The following GBP6 variants were observed in gnomAD, a reference collection of about 807,000 sequenced individuals.
The protein encoded by GBP6 is guanylate binding protein family member 6.
In GBP6, 54 loss-of-function variants were observed where a neutral mutation model predicts 61.5. The observed-to-expected ratio is 0.88, with a 90% CI of 0.71 to 1.10. The LOEUF (loss-of-function observed/expected upper bound fraction) is 1.10. Among genes scored for constraint, GBP6 ranks in the 50% least tolerant of loss-of-function variants. GBP6 has a pLI of 0.00. For synonymous variants in GBP6, 255 were observed against 273.7 expected, an observed-to-expected ratio of 0.93 and a Z score of 0.67; for missense variants, 748 against 752.8, an observed-to-expected ratio of 0.99 and a Z score of 0.07.
intron 3 of GBP6, among the ~76,000 whole-genome samples, chr1:89,374,493 T>C (rs540824043): frequency 5.9e-5 from 9 of 152,184 alleles, no homozygotes; most frequent in Non-Finnish European, 1.2e-4. Context: ...TTTTAATTTT[T>C]TGAGGGACCT....
rs996866683 is a variant in GBP6 at position 89,378,126 on chromosome 1, G to T, written c.342G>T (p.Trp114Cys). 13 of 1,613,084 alleles carry T rather than the reference G, an allele frequency of 8.1e-6. No homozygotes were observed. The highest frequency in any genetic ancestry group is 1.1e-5 in the Non-Finnish European group (13 of 1,179,770). Residue 114 changes from tryptophan (W) to cysteine (C), a missense_variant, in exon 4 of 11, where the codon TGG becomes TGT. Physicochemically the swap from Trp to Cys is radical, Grantham distance 215 (BLOSUM62 -2). Coordinates refer to ENST00000370456, the MANE Select transcript of GBP6 (RefSeq NM_198460.3). ...AGGGTGACCCTAAGAATGACTCCTG[G>T]ATCTTTGCCCTGGCTGTGCTCCTGT... is the stretch of plus-strand genomic sequence containing the variant. ...VEKGDPKNDS[W>C]IFALAVLLCS...
At position 89,380,594 on chromosome 1, in the gene GBP6, C is replaced by A. The variant is rs768963381; in HGVS notation, c.834C>A (p.Thr278=). 1 of 1,613,714 alleles carries A rather than the reference C, an allele frequency of 6.2e-7. No individual in the cohort carries two copies. The highest frequency in any genetic ancestry group is 1.1e-5 in the South Asian group (1 of 91,070). The change falls in exon 6 of 11, where the codon ACC becomes ACA. Residue 278 remains threonine (T), a synonymous_variant. Coordinates refer to ENST00000370456, the MANE Select transcript of GBP6 (RefSeq NM_198460.3). ...FCSYIFTHAR[T]KTLREGITVT... is the part of the protein sequence containing the mutation. ...CTTACATCTTCACTCATGCAAGAAC[C>A]AAGACCCTCAGGGAGGGAATCACAG...
chr1:89,369,649 C>T lies in GBP6; in HGVS notation c.294C>T (p.Thr98=), dbSNP rs768134438. 87 of 1,613,828 alleles carry T rather than the reference C, an allele frequency of 5.4e-5. No individual in the cohort carries two copies. Among genetic ancestry groups the T allele is most frequent in the Admixed American group, 3.7e-4 (22 of 60,000 alleles). The part of the protein sequence containing the change: ...KPNHTLVLLD[T]EGLGDVEKGD... ...ACCACACCCTGGTCCTTCTGGACAC[C>T]GAAGGTCTGGGCGATGTGGAAAAGG... The change falls in exon 3 of 11, where the codon ACC becomes ACT. Residue 98 remains threonine (T), a synonymous_variant. Coordinates refer to ENST00000370456, the MANE Select transcript of GBP6 (RefSeq NM_198460.3).
chr1:89,368,030 AT>A (rs1232778773), intron 1 of GBP6, among the ~76,000 whole-genome samples: 1 of 152,266 alleles, frequency 6.6e-6, no homozygotes, highest in African/African-American at 2.4e-5. Flanking sequence ...CATTTTAGCC[AT>A]TTTTTTAAAG....
chr1:89,379,715 CGTT>C (rs1652908726), intron 5 of GBP6, among the ~76,000 whole-genome samples: 1 of 152,154 alleles, frequency 6.6e-6, no homozygotes, highest in African/African-American at 2.4e-5. Context: ...CCAGTGAACT[CGTT>C]GTTGCTTTCA....
Position 89,380,462 on chromosome 1 carries a change from C to T in GBP6, c.702C>T (p.Phe234=), listed in dbSNP as rs767609947. 9 of 1,614,020 alleles carry T rather than the reference C, an allele frequency of 5.6e-6. No individual in the cohort carries two copies. The highest frequency in any genetic ancestry group is 6.8e-6 in the Non-Finnish European group (8 of 1,179,968). The change falls in exon 6 of 11, where the codon TTC becomes TTT. Residue 234 remains phenylalanine (F), a synonymous_variant. Coordinates refer to ENST00000370456, the MANE Select transcript of GBP6 (RefSeq NM_198460.3). The part of the protein sequence containing the change: ...IRRFFPKRKC[F]VFDRPTNDKD... ...GTTTCTTTCCAAAACGGAAGTGTTT[C>T]GTCTTTGACCGGCCAACAAATGACA...
rs559179441 is a variant in GBP6, at chr1:89,377,829, G to C, written c.319-274G>C. ...TAACACTCATCATGAATATCCAACT[G>C]AAAACCAGATATTGTACTAGTTTTT... On this transcript the variant is annotated intron_variant, in intron 3 of 10. Transcript: ENST00000370456. Among the ~76,000 whole-genome samples, 4 of 152,248 alleles carry C rather than the reference G, an allele frequency of 2.6e-5. No homozygotes were observed. In the East Asian group the frequency reaches 7.7e-4, roughly 29 times the overall value.
At chr1:89,369,960 A>T (rs533107763) in intron 3 of GBP6, among the ~76,000 whole-genome samples, 1 of 152,344 alleles carries the variant, frequency 6.6e-6, no homozygotes, top group East Asian at 1.9e-4. Flanking sequence ...TTGGTGAACA[A>T]AGTAAAGGTC....
intron 3 of GBP6, among the ~76,000 whole-genome samples, chr1:89,376,161 T>C (rs371725486): frequency 6.6e-6 from 1 of 152,252 alleles, no homozygotes; most frequent in African/African-American, 2.4e-5. Context: ...TAGTATTTCA[T>C]TGTGTATAGA....
intron 1 of GBP6, among the ~76,000 whole-genome samples, chr1:89,366,422 G>A (rs887314467): frequency 6.6e-6 from 1 of 152,110 alleles, no homozygotes; most frequent in African/African-American, 2.4e-5. Context: ...TCATCCCATA[G>A]TGGATCCTTT....
chr1:89,380,708 G>A (rs2100671678), intron 6 of GBP6, 77 bp downstream of exon 6: 1 of 1,422,790 alleles, frequency 7.0e-7, no homozygotes. Flanking sequence ...CAGAATTTTT[G>A]TTAGATTCCA....
At chr1:89,381,376 C>T (rs1652972522) in intron 6 of GBP6, among the ~76,000 whole-genome samples, 1 of 151,852 alleles carries the variant, frequency 6.6e-6, no homozygotes, top group African/African-American at 2.4e-5. Context: ...ATGATTTACC[C>T]TGCCTCATTT....
chr1:89,371,197 A>T (rs149288896), intron 3 of GBP6, among the ~76,000 whole-genome samples: 2 of 152,196 alleles, frequency 1.3e-5, no homozygotes, highest in East Asian at 3.9e-4. Flanking sequence ...TTGAATATAT[A>T]TAGACGGATT....
At chr1:89,364,925 T>G (rs1048788559) in intron 1 of GBP6, among the ~76,000 whole-genome samples, 5 of 151,828 alleles carry the variant, frequency 3.3e-5, no homozygotes, top group Non-Finnish European at 7.4e-5. Context: ...ATTAGGTATT[T>G]GTCCTAATGC....
At chr1:89,380,745 A>C in intron 6 of GBP6, 114 bp downstream of exon 6, 1 of 881,714 alleles carries the variant, frequency 1.1e-6, no homozygotes, top group Non-Finnish European at 1.7e-6. Flanking sequence ...GTATACAGGT[A>C]TTCACACTCA....
At chr1:89,369,784 A>G in intron 3 of GBP6, 111 bp downstream of exon 3, 1 of 1,328,212 alleles carries the variant, frequency 7.5e-7, no homozygotes, top group Non-Finnish European at 1.0e-6. Context: ...CAAATAAGGC[A>G]AACTTTGACC....
Position 89,378,053 on chromosome 1 carries a change from A to C in GBP6, c.319-50A>C, listed in dbSNP as rs770715066. ...GACTGACAAAATAAATGTCTCAGTG[A>C]ATTTCTAAAGACTACACTCCTAAGT... On this transcript the variant is annotated intron_variant, in intron 3 of 10. Coordinates refer to ENST00000370456, the MANE Select transcript of GBP6 (RefSeq NM_198460.3). 12 of 1,499,400 alleles carry C rather than the reference A, an allele frequency of 8.0e-6. No homozygotes were observed. The African/African-American group carries it at 1.7e-4, about 21-fold the overall frequency. The allele number at this position is 1,499,400 out of a possible 1,614,324, so 92.9% of individuals were successfully genotyped here.
intron 3 of GBP6, among the ~76,000 whole-genome samples, chr1:89,370,547 TA>T (rs1473762146): frequency 1.3e-5 from 2 of 152,240 alleles, no homozygotes; most frequent in Non-Finnish European, 2.9e-5. Flanking sequence ...ATGGGTGAAA[TA>T]AATAATTTCT....
Position 89,382,760 on chromosome 1 carries a change from C to T in GBP6, c.1249C>T (p.Leu417=), listed in dbSNP as rs1407957432. 1 of 1,613,852 alleles carries T rather than the reference C, an allele frequency of 6.2e-7. No individual in the cohort carries two copies. Residue 417 remains leucine, a synonymous_variant, in exon 8 of 11, where the codon CTA becomes TTA. Coordinates refer to ENST00000370456, the MANE Select transcript of GBP6 (RefSeq NM_198460.3). The part of the protein sequence containing the change: ...QAKLNELSKG[L]MESISAGSFS... Reference sequence around the variant, plus strand: ...TAAACTCAATGAGCTCTCAAAGGGACTAATGGAAAGTATCTCAGCAGGAAG... The same window carrying T: ...TAAACTCAATGAGCTCTCAAAGGGATTAATGGAAAGTATCTCAGCAGGAAG...
Sources: gnomAD v4.1 joint callset for allele counts (sites outside exome capture counted in the v4.1 genomes callset) on GRCh38, gnomAD v4.1.1 for gene constraint, MANE v1.5 for transcripts, NCBI Gene and HGNC (gene_info 2026-07-23, HGNC 2026-07-21) for gene names.